DDHD1: variants seen among roughly 807,000 people sequenced by gnomAD.
DDHD1 encodes the protein DDHD domain containing 1.
A neutral mutation model predicts 96.4 loss-of-function variants in DDHD1; 49 were observed. The ratio of observed to expected loss-of-function variants is 0.51; its 90% CI spans 0.40 to 0.64. The LOEUF is 0.64. Among genes scored for constraint, DDHD1 ranks in the 30% least tolerant of loss-of-function variants. The pLI is 0.00. For missense variants in DDHD1, 1,106 were observed against 1,161.2 expected, an observed-to-expected ratio of 0.95 and a Z score of 0.69; for synonymous variants, 442 against 446.5, an observed-to-expected ratio of 0.99 and a Z score of 0.13.
At chr14:53,150,822 T>C (rs1009038721) in intron 1 of DDHD1, among the ~76,000 whole-genome samples, 1 of 152,192 alleles carries the variant, frequency 6.6e-6, no homozygotes, top group African/African-American at 2.4e-5. Context: ...TATGCACATA[T>C]AAATATTCTG....
chr14:53,104,975 T>C (rs1887578700), intron 1 of DDHD1, among the ~76,000 whole-genome samples: 1 of 152,042 alleles, frequency 6.6e-6, no homozygotes, highest in Admixed American at 6.5e-5. Flanking sequence ...AATAACCATA[T>C]TGTTAGTAAT....
intron 2 of DDHD1, among the ~76,000 whole-genome samples, chr14:53,094,507 C>T (rs1028763485): frequency 2.0e-5 from 3 of 151,618 alleles, no homozygotes; most frequent in Non-Finnish European, 4.4e-5. Context: ...TTGATAGCAG[C>T]CTGGGCAACA....
At position 53,101,916 on chromosome 14, in the gene DDHD1, GA is replaced by G. The variant is rs543147936; in HGVS notation, c.1012+1766del. On this transcript the variant is annotated intron_variant, in intron 2 of 12. Coordinates refer to ENST00000673822, the MANE Select transcript of DDHD1 (RefSeq NM_001160148.2). The stretch of plus-strand genomic sequence containing the variant: ...TCTCCACAGGGTGACTTAGCAAATG[GA>G]AAAAAAAAAAGTTCTGAACACAGAA... Among the ~76,000 whole-genome samples, 197 of 144,910 alleles carry G rather than the reference GA, an allele frequency of 1.4e-3. 1 individual carries two copies. Among genetic ancestry groups the G allele is most frequent in the African/African-American group, 4.2e-3 (167 of 39,792 alleles).
chr14:53,049,739 T>G (rs1405857951), intron 12 of DDHD1, among the ~76,000 whole-genome samples: 1 of 150,950 alleles, frequency 6.6e-6, no homozygotes, highest in East Asian at 2.0e-4. Context: ...AATTTCTCTA[T>G]CCATAAAAAA....
At position 53,109,217 on chromosome 14, in the gene DDHD1, T is replaced by C. The variant is rs1311040578; in HGVS notation, c.839-5361A>G. On this transcript the variant is annotated intron_variant, in intron 1 of 12. Coordinates refer to ENST00000673822, the MANE Select transcript of DDHD1 (RefSeq NM_001160148.2). ...GCCTCCAAGAGGTGTCGTTCTTTTC[T>C]CTGTCTCTTCTAGGAGCAATGCTAC... is the stretch of plus-strand genomic sequence containing the variant. Among the ~76,000 whole-genome samples the C allele has an allele frequency of 2.0e-5, 3 of 152,168 alleles. No individual in the cohort carries two copies. In the East Asian group the frequency reaches 5.8e-4, roughly 29 times the overall value.
chr14:53,075,471 G>A (rs114189133), intron 4 of DDHD1, among the ~76,000 whole-genome samples: 1,535 of 152,274 alleles, frequency 0.01, 31 homozygotes, highest in African/African-American at 0.035. Flanking sequence ...GGGCAAAGAA[G>A]CTACCGAAGA....
intron 1 of DDHD1, among the ~76,000 whole-genome samples, chr14:53,105,574 G>T (rs1399804342): frequency 1.3e-5 from 2 of 152,016 alleles, no homozygotes; most frequent in African/African-American, 4.8e-5. Flanking sequence ...TTTTTGCCTG[G>T]ATTCTACTTT....
At chr14:53,127,274 C>T (rs932766218) in intron 1 of DDHD1, among the ~76,000 whole-genome samples, 1 of 152,130 alleles carries the variant, frequency 6.6e-6, no homozygotes, top group Non-Finnish European at 1.5e-5. Flanking sequence ...CTGCTCAAAT[C>T]GTGTAAACAG....
At chr14:53,096,053 T>C in intron 2 of DDHD1, 4 of 822,384 alleles carry the variant, frequency 4.9e-6, no homozygotes, top group Non-Finnish European at 5.9e-6. Context: ...ATGCTTTAAA[T>C]GCAACTGAAT....
intron 4 of DDHD1, among the ~76,000 whole-genome samples, chr14:53,089,887 CTAAAGA>C (rs1886290494): frequency 1.3e-5 from 2 of 152,274 alleles, no homozygotes; most frequent in Non-Finnish European, 2.9e-5. Flanking sequence ...TCTAATTAAA[CTAAAGA>C]GCTTCTGCAC....
intron 1 of DDHD1, among the ~76,000 whole-genome samples, chr14:53,137,365 G>C (rs1890311658): frequency 1.3e-5 from 2 of 152,232 alleles, no homozygotes; most frequent in Admixed American, 6.5e-5. Flanking sequence ...GCTGAGGCAG[G>C]TGGATCACTT....
chr14:53,130,893 C>A (rs993232073), intron 1 of DDHD1, among the ~76,000 whole-genome samples: 5 of 152,160 alleles, frequency 3.3e-5, no homozygotes, highest in Non-Finnish European at 7.3e-5. Flanking sequence ...TCCTCAAAAG[C>A]CTCTTGGACC....
intron 1 of DDHD1, among the ~76,000 whole-genome samples, chr14:53,108,269 C>T (rs1448519710): frequency 6.6e-6 from 1 of 152,204 alleles, no homozygotes; most frequent in Non-Finnish European, 1.5e-5. Flanking sequence ...ATTGTTCCTG[C>T]ACAGCTAAGT....
At chr14:53,146,097 T>G (rs1424474025) in intron 1 of DDHD1, among the ~76,000 whole-genome samples, 2 of 152,066 alleles carry the variant, frequency 1.3e-5, no homozygotes, top group African/African-American at 2.4e-5. Flanking sequence ...TCTCAGCTAC[T>G]TGGGAGGCTG....
chr14:53,098,268 ATATGT>A (rs1216423717), intron 2 of DDHD1, among the ~76,000 whole-genome samples: 5 of 152,090 alleles, frequency 3.3e-5, no homozygotes, highest in Admixed American at 2.0e-4. Flanking sequence ...ATAAAAATTA[ATATGT>A]TAAAGTCTTA....
intron 3 of DDHD1, 138 bp downstream of exon 3, chr14:53,093,178 T>A: frequency 1.3e-6 from 1 of 796,820 alleles, no homozygotes; most frequent in Non-Finnish European, 1.8e-6. Flanking sequence ...AATAAAAGTT[T>A]CATTTAAAAA....
intron 2 of DDHD1, among the ~76,000 whole-genome samples, chr14:53,096,805 A>G (rs1444951048): frequency 2.6e-5 from 4 of 152,046 alleles, no homozygotes; most frequent in Non-Finnish European, 5.9e-5. Flanking sequence ...TTACTAAAAA[A>G]CAAAAATCAA....
intron 1 of DDHD1, among the ~76,000 whole-genome samples, chr14:53,120,528 C>T (rs1395419456): frequency 6.6e-6 from 1 of 152,142 alleles, no homozygotes; most frequent in African/African-American, 2.4e-5. Context: ...GGAGACACCA[C>T]ACTACCTGAC....
At chr14:53,134,625 A>G (rs527810695) in intron 1 of DDHD1, among the ~76,000 whole-genome samples, 2 of 150,914 alleles carry the variant, frequency 1.3e-5, no homozygotes, top group East Asian at 2.0e-4. Flanking sequence ...AGCAGACTCT[A>G]TATTTTTAAA....
Sources: gnomAD v4.1 joint callset for allele counts (sites outside exome capture counted in the v4.1 genomes callset) on GRCh38, gnomAD v4.1.1 for gene constraint, MANE v1.5 for transcripts, NCBI Gene and HGNC (gene_info 2026-07-23, HGNC 2026-07-21) for gene names.